MACROD2: variants seen among roughly 807,000 people sequenced by gnomAD.
MACROD2 encodes the protein ADP-ribose glycohydrolase MACROD2.
MACROD2 carries 36 observed loss-of-function variants against 70.4 expected under a neutral mutation model. The ratio of observed to expected loss-of-function variants is 0.51; its 90% CI spans 0.39 to 0.68. The LOEUF is 0.68. Ranked by LOEUF, MACROD2 falls within the 30% of genes least tolerant of loss-of-function variation. The probability of loss-of-function intolerance (pLI) is 0.00; values close to 1 mark genes in which losing one functional copy is unlikely to be tolerated. For synonymous variants in MACROD2, 172 were observed against 178.8 expected (o/e 0.96, Z 0.30); for missense variants, 496 against 538.4 (o/e 0.92, Z 0.78).
intron 5 of MACROD2, among the ~76,000 whole-genome samples, chr20:14,957,495 AGTTCACCAG>A (rs1474054953): frequency 6.6e-6 from 1 of 152,184 alleles, no homozygotes; most frequent in African/African-American, 2.4e-5. Context: ...GAGCAGGACC[AGTTCACCAG>A]CCACAGCCCA....
chr20:15,236,347 T>C (rs2077013889), intron 6 of MACROD2, among the ~76,000 whole-genome samples: 1 of 152,194 alleles, frequency 6.6e-6, no homozygotes, highest in African/African-American at 2.4e-5. Context: ...AGGCTGTGCC[T>C]TGGAAACAGA....
chr20:14,744,052 A>G (rs1248669421), intron 5 of MACROD2, among the ~76,000 whole-genome samples: 3 of 152,208 alleles, frequency 2.0e-5, no homozygotes, highest in East Asian at 3.8e-4. Flanking sequence ...GCTTGACCAC[A>G]CTTCAACTTT....
At chr20:15,209,173 C>T (rs1194222365) in intron 5 of MACROD2, among the ~76,000 whole-genome samples, 3 of 150,614 alleles carry the variant, frequency 2.0e-5, no homozygotes, top group African/African-American at 7.3e-5. Context: ...GTTAGCATTT[C>T]TGGGTTGCTG....
At chr20:14,752,912 G>A (rs375269368) in intron 5 of MACROD2, among the ~76,000 whole-genome samples, 42 of 152,146 alleles carry the variant, frequency 2.8e-4, no homozygotes, top group African/African-American at 9.4e-4. Flanking sequence ...TCTAGGGAAC[G>A]GTGGTCTGAT....
chr20:14,975,090 A>G (rs2074726424), intron 5 of MACROD2, among the ~76,000 whole-genome samples: 2 of 152,126 alleles, frequency 1.3e-5, no homozygotes, highest in Non-Finnish European at 2.9e-5. Context: ...ACTAGATGCC[A>G]GTAGCATGCA....
At chr20:14,680,266 A>C (rs1191227307) in intron 4 of MACROD2, among the ~76,000 whole-genome samples, 1 of 152,204 alleles carries the variant, frequency 6.6e-6, no homozygotes, top group Non-Finnish European at 1.5e-5. Flanking sequence ...GCCTAGGAAG[A>C]AAATGAAAGC....
intron 6 of MACROD2, among the ~76,000 whole-genome samples, chr20:15,375,264 T>C (rs181161781): frequency 6.6e-5 from 10 of 152,282 alleles, no homozygotes; most frequent in Non-Finnish European, 1.3e-4. Context: ...GGATTATAGA[T>C]AAACTCGTGA....
chr20:14,477,877 G>A (rs1436373090), intron 3 of MACROD2, among the ~76,000 whole-genome samples: 6 of 152,038 alleles, frequency 3.9e-5, no homozygotes, highest in Non-Finnish European at 7.4e-5. Flanking sequence ...CTAAAACTAA[G>A]GGCAAAGAGG....
chr20:14,093,042 A>T (rs2054172891), intron 3 of MACROD2, among the ~76,000 whole-genome samples: 1 of 152,166 alleles, frequency 6.6e-6, no homozygotes, highest in Admixed American at 6.5e-5. Flanking sequence ...ACTAATATAT[A>T]ATTGACACTT....
chr20:14,322,137 C>T (rs1187907150), intron 3 of MACROD2, among the ~76,000 whole-genome samples: 4 of 115,172 alleles, frequency 3.5e-5, no homozygotes, highest in Non-Finnish European at 5.4e-5. Context: ...TATTGAGTGC[C>T]CTTTAAGGTG....
chr20:15,180,771 G>A lies in MACROD2; in HGVS notation c.419-49169G>A, dbSNP rs537741452. 5.3e-5 allele frequency among the ~76,000 whole-genome samples: 8 copies of A among 152,332 alleles called. No homozygotes were observed. The East Asian group carries it at 5.8e-4, about 11-fold the overall frequency. ...CTCCCAAAGTTCTGGGATTACAGGC[G>A]TGAGCCACTGCACATGGCCAGCATA... On this transcript the variant is annotated intron_variant, in intron 5 of 17. Transcript: ENST00000684519.
chr20:15,058,432 A>G (rs901153204), intron 5 of MACROD2, among the ~76,000 whole-genome samples: 3 of 152,174 alleles, frequency 2.0e-5, no homozygotes, highest in Non-Finnish European at 4.4e-5. Flanking sequence ...TCAAACTTCA[A>G]TATGAGATAA....
At chr20:15,501,856 TAAAAC>T (rs1315250916) in intron 8 of MACROD2, among the ~76,000 whole-genome samples, 3 of 152,232 alleles carry the variant, frequency 2.0e-5, no homozygotes, top group African/African-American at 4.8e-5. Context: ...TTTCCTCTGT[TAAAAC>T]AAACAACAGA....
intron 3 of MACROD2, among the ~76,000 whole-genome samples, chr20:14,372,715 G>GT (rs942606971): frequency 9.9e-5 from 15 of 151,690 alleles, no homozygotes; most frequent in Middle Eastern, 3.4e-3. Context: ...ACACATTCCT[G>GT]TTTTTTTTGG....
At chr20:14,154,481 G>T (rs2055067044) in intron 3 of MACROD2, among the ~76,000 whole-genome samples, 1 of 149,908 alleles carries the variant, frequency 6.7e-6, no homozygotes, top group South Asian at 2.1e-4. Context: ...CCGCCTCCCG[G>T]TTCATGCCAT....
intron 5 of MACROD2, among the ~76,000 whole-genome samples, chr20:14,722,937 G>A (rs957255965): frequency 6.6e-6 from 1 of 152,090 alleles, no homozygotes; most frequent in East Asian, 1.9e-4. Flanking sequence ...TGACTTGTCA[G>A]CTTATATTAA....
chr20:15,207,437 T>TTG (rs34488265), intron 5 of MACROD2, among the ~76,000 whole-genome samples: 27 of 30,300 alleles, frequency 8.9e-4, no homozygotes, highest in Non-Finnish European at 1.3e-3. Flanking sequence ...TTGTTTCTGG[T>TTG]TTTTTTTTTT....
intron 7 of MACROD2, among the ~76,000 whole-genome samples, chr20:15,455,784 C>T (rs145931727): frequency 2.2e-3 from 338 of 152,198 alleles, no homozygotes; most frequent in Non-Finnish European, 3.9e-3. Context: ...CGTCTGTGCT[C>T]GGTTTTCCTA....
chr20:14,912,563 AGAAGAGTTG>A (rs1161567613), intron 5 of MACROD2, among the ~76,000 whole-genome samples: 2 of 152,144 alleles, frequency 1.3e-5, no homozygotes, highest in Non-Finnish European at 2.9e-5. Context: ...AGACCAATAA[AGAAGAGTTG>A]AATTCTGAAG....
Sources: allele counts gnomAD v4.1 joint callset (sites outside exome capture counted in the v4.1 genomes callset), GRCh38; gene constraint gnomAD v4.1.1; transcripts MANE v1.5; gene names NCBI Gene and HGNC (gene_info 2026-07-23, HGNC 2026-07-21).